DOK3: variants seen among roughly 807,000 people sequenced by gnomAD.
DOK3 encodes Dok-like protein.
A neutral mutation model predicts 26.2 loss-of-function variants in DOK3; 23 were observed. That is an observed-to-expected ratio of 0.88 (90% confidence interval 0.63 to 1.24). The LOEUF (loss-of-function observed/expected upper bound fraction) is 1.24, where lower values mean the gene tolerates loss of function less well. Ranked by LOEUF, DOK3 falls within the 50% of genes most tolerant of loss-of-function variation. The pLI, the probability that DOK3 is intolerant of heterozygous loss-of-function variation, is 0.00. For synonymous variants in DOK3, 268 were observed against 268.2 expected, an observed-to-expected ratio of 1.00 and a Z score of 0.01; for missense variants, 619 against 610.6, an observed-to-expected ratio of 1.01 and a Z score of -0.15.
intron 3 of DOK3, among the ~76,000 whole-genome samples, chr5:177,506,685 C>CT (rs55649685): frequency 1.3e-5 from 1 of 75,910 alleles, no homozygotes; most frequent in African/African-American, 5.3e-5. Context: ...TTTTTCTTTT[C>CT]TTTTTTTTTT....
chr5:177,503,710 G>A lies in DOK3; in HGVS notation c.*273C>T. On this transcript the variant is annotated 3_prime_UTR_variant, in exon 6 of 6. Transcript: ENST00000510898. Reference sequence around the variant, plus strand: ...ACCTGTGCCCCTGGAACCGGCACAGGGTGCTTGTGTTGGCCGCAATGAACG... The same window carrying A: ...ACCTGTGCCCCTGGAACCGGCACAGAGTGCTTGTGTTGGCCGCAATGAACG... 1 of 1,405,796 alleles carries A rather than the reference G, an allele frequency of 7.1e-7. No individual in the cohort carries two copies. Among genetic ancestry groups the A allele is most frequent in the Non-Finnish European group, 9.2e-7 (1 of 1,084,660 alleles). 87.1% of individuals were successfully genotyped at this position (1,405,796 alleles called of 1,614,324 possible).
In DOK3 at chr5:177,503,337, T is replaced by C; in HGVS notation, c.*646A>G. On this transcript the variant is annotated 3_prime_UTR_variant, in exon 6 of 6. Transcript: ENST00000510898. ...ATCAAGGATTATGCCTGATACGTCA[T>C]CGGTTCTCTCTCCTTTACAGATGAG... 6.4e-7 allele frequency: 1 copy of C among 1,551,514 alleles called. No homozygotes were observed. The highest frequency in any genetic ancestry group is 8.7e-7 in the Non-Finnish European group (1 of 1,146,756).
At chr5:177,508,583 A>G (rs747352029) in intron 2 of DOK3, 41 bp from the exon 3 acceptor site, 10 of 1,471,644 alleles carry the variant, frequency 6.8e-6, no homozygotes, top group Non-Finnish European at 6.4e-6. Context: ...CTTGGGTGGC[A>G]GATTGTCCGT....
Position 177,504,888 on chromosome 5 carries a change from C to T in DOK3, c.500G>A (p.Arg167Lys), listed in dbSNP as rs777652912. 33 of 1,596,818 alleles carry T rather than the reference C, an allele frequency of 2.1e-5. No individual in the cohort carries two copies. Among genetic ancestry groups the T allele is most frequent in the African/African-American group, 2.7e-5 (2 of 74,572 alleles). Residue 167 changes from arginine to lysine, a missense_variant, in exon 5 of 6, where the codon AGG (arginine) becomes AAG (lysine). By Grantham distance (26) the Arg-to-Lys change is conservative. Transcript: ENST00000510898. ...CTGGCAGCGGGTGGCGGCCTCAGTC[C>T]TCTGCACCACCACGGGAAACTCGCC... is the stretch of plus-strand genomic sequence containing the variant. ...EVGEFPVVVQ[R>K]TEAATRCQLK...
chr5:177,508,357 G>T lies in DOK3; in HGVS notation c.252C>A (p.Asp84Glu), dbSNP rs756218542. 4 of 1,600,446 alleles carry T rather than the reference G, an allele frequency of 2.5e-6. No individual in the cohort carries two copies. In the African/African-American group the frequency reaches 5.3e-5, roughly 21 times the overall value. Residue 84 changes from aspartate (D) to glutamate (E), a missense_variant, in exon 3 of 6, where the codon GAC becomes GAA. Transcript: ENST00000510898. ...LADCVSVLPA[D>E]GESCPRDTGA... ...CGGTGTCCCGGGGGCAGCTCTCGCCGTCAGCCGGCAGCACGGACACACAGT... is the reference window on the plus strand; with the variant it reads ...CGGTGTCCCGGGGGCAGCTCTCGCCTTCAGCCGGCAGCACGGACACACAGT...
At position 177,507,355 on chromosome 5, in the gene DOK3, G is replaced by A. The variant is rs76185469; in HGVS notation, c.372+882C>T. On this transcript the variant is annotated intron_variant, in intron 3 of 5. Coordinates refer to ENST00000510898, the MANE Select transcript of DOK3 (RefSeq NM_001308236.3). ...ATGGCTGAGTAGTATTCCATCTTGC[G>A]GACGGACCACGTTTTGCTTATCCAT... 2.9e-3 allele frequency among the ~76,000 whole-genome samples: 438 copies of A among 152,136 alleles called. 10 individuals carry two copies. The East Asian group carries it at 0.047, about 16-fold the overall frequency.
chr5:177,510,057 C>G (rs539635748), upstream of DOK3: 18 of 691,176 alleles, frequency 2.6e-5, no homozygotes, highest in Non-Finnish European at 3.9e-5. Flanking sequence ...CTCCACCTCA[C>G]GAGCCACTGA....
intron 3 of DOK3, 54 bp from the exon 4 acceptor site, chr5:177,505,164 C>CTT: frequency 1.6e-5 from 24 of 1,472,982 alleles, no homozygotes; most frequent in Non-Finnish European, 2.1e-5. Flanking sequence ...ATGCCCTGTC[C>CTT]CCTCCCCTCA....
upstream of DOK3, chr5:177,509,964 A>G: frequency 1.4e-6 from 2 of 1,419,714 alleles, no homozygotes; most frequent in African/African-American, 1.4e-5. Context: ...TGGCTTTCCC[A>G]CTCGGCGTCC....
intron 3 of DOK3, among the ~76,000 whole-genome samples, chr5:177,505,440 C>T (rs924265331): frequency 6.6e-6 from 1 of 152,154 alleles, no homozygotes; most frequent in Admixed American, 6.5e-5. Context: ...GAGCAGTACC[C>T]CAGGTGTCTT....
At position 177,504,330 on chromosome 5, in the gene DOK3, C is replaced by T. The variant is rs144893874; in HGVS notation, c.976G>A (p.Ala326Thr). 2.6e-5 allele frequency: 42 copies of T among 1,593,220 alleles called. No individual in the cohort carries two copies. The highest frequency in any genetic ancestry group is 6.7e-5 in the African/African-American group (5 of 74,534). ...EPNDLASGLY[A>T]SVCKRASGPP... The stretch of plus-strand genomic sequence containing the variant: ...CCACTGGCACGCTTGCACACTGAAG[C>T]GTAGAGCCCGGACGCCAGATCGTTG... Residue 326 changes from alanine to threonine, a missense_variant, in exon 6 of 6, where the codon GCT (alanine) becomes ACT (threonine). Ala to Thr is a moderately conservative substitution (Grantham distance 58). Coordinates refer to ENST00000510898, the MANE Select transcript of DOK3 (RefSeq NM_001308236.3).
chr5:177,504,995 A>G lies in DOK3; in HGVS notation c.472+16T>C. The G allele has an allele frequency of 6.2e-6, 10 of 1,600,134 alleles. No individual in the cohort carries two copies. Among genetic ancestry groups the G allele is most frequent in the Non-Finnish European group, 8.5e-6 (10 of 1,172,800 alleles). On this transcript the variant is annotated intron_variant, in intron 4 of 5. Transcript: ENST00000510898. Reference sequence around the variant, plus strand: ...TGTGGGGGGCTGAGGCTGCCCTTGCACGTCCTCCAACTTACCTTCCTGCCA... The same window carrying G: ...TGTGGGGGGCTGAGGCTGCCCTTGCGCGTCCTCCAACTTACCTTCCTGCCA...
At chr5:177,509,839 G>T (rs1760762598), upstream of DOK3, 2 of 1,610,940 alleles carry the variant, frequency 1.2e-6, no homozygotes, top group Non-Finnish European at 1.7e-6. Flanking sequence ...TCGCAGTCTG[G>T]CTCCCCGAGT....
chr5:177,507,762 C>G (rs921496636), intron 3 of DOK3, among the ~76,000 whole-genome samples: 1 of 152,232 alleles, frequency 6.6e-6, no homozygotes, highest in Non-Finnish European at 1.5e-5. Context: ...GCCTTCGCCT[C>G]TCACTCAGAA....
chr5:177,508,087 G>A (rs1187880850), intron 3 of DOK3, 150 bp downstream of exon 3: 11 of 1,038,540 alleles, frequency 1.1e-5, no homozygotes, highest in Non-Finnish European at 5.2e-6. Context: ...TCCATGGCAC[G>A]CACGGCCCTC....
chr5:177,509,665 C>T lies in DOK3; in HGVS notation c.-117-8G>A, dbSNP rs373334131. The T allele has an allele frequency of 2.3e-5, 37 of 1,589,582 alleles. No homozygotes were observed. In the African/African-American group the frequency reaches 3.1e-4, roughly 13 times the overall value. Reference sequence around the variant, plus strand: ...CCCTCCGTCTAGAGACAGCTGCAGGCCGGGGGGAGGGGAGCCTGTCTTCAG... The same window carrying T: ...CCCTCCGTCTAGAGACAGCTGCAGGTCGGGGGGAGGGGAGCCTGTCTTCAG... On this transcript the variant is annotated splice_region_variant and splice_polypyrimidine_tract_variant and intron_variant, in intron 1 of 5. Transcript: ENST00000510898.
Position 177,509,666 on chromosome 5 carries a change from C to CG in DOK3, c.-117-10dup, listed in dbSNP as rs747834256. 17 of 1,589,412 alleles carry CG rather than the reference C, an allele frequency of 1.1e-5. No homozygotes were observed. Among genetic ancestry groups the CG allele is most frequent in the East Asian group, 2.2e-5 (1 of 44,540 alleles). ...CCTCCGTCTAGAGACAGCTGCAGGCCGGGGGGAGGGGAGCCTGTCTTCAGC... is the reference window on the plus strand; with the variant it reads ...CCTCCGTCTAGAGACAGCTGCAGGCCGGGGGGGAGGGGAGCCTGTCTTCAGC... On this transcript the variant is annotated splice_polypyrimidine_tract_variant and intron_variant, in intron 1 of 5. Coordinates refer to ENST00000510898, the MANE Select transcript of DOK3 (RefSeq NM_001308236.3).
intron 3 of DOK3, among the ~76,000 whole-genome samples, chr5:177,507,308 T>C (rs1760324787): frequency 6.6e-6 from 1 of 152,154 alleles, no homozygotes. Context: ...AGAGCTACTG[T>C]GCCAGGCGTT....
chr5:177,506,689 T>C (rs1340407030), intron 3 of DOK3, among the ~76,000 whole-genome samples: 7 of 139,216 alleles, frequency 5.0e-5, no homozygotes, highest in African/African-American at 1.9e-4. Flanking sequence ...TCTTTTCTTT[T>C]TTTTTTTTTT....
Sources: gnomAD v4.1 joint callset for allele counts (sites outside exome capture counted in the v4.1 genomes callset) on GRCh38, gnomAD v4.1.1 for gene constraint, MANE v1.5 for transcripts, NCBI Gene and HGNC (gene_info 2026-07-23, HGNC 2026-07-21) for gene names.